The following ARHGAP44 variants were observed in gnomAD, a reference collection of about 807,000 sequenced individuals.
ARHGAP44 encodes the protein rho GTPase-activating protein 44.
ARHGAP44 carries 43 observed loss-of-function variants against 106.8 expected under a neutral mutation model. The observed-to-expected ratio is 0.40, with a 90% CI of 0.32 to 0.52. ARHGAP44 has a LOEUF of 0.52. Ranked by LOEUF, ARHGAP44 falls within the 20% of genes least tolerant of loss-of-function variation. The probability of loss-of-function intolerance (pLI) is 0.48; values close to 1 mark genes in which losing one functional copy is unlikely to be tolerated. For missense variants in ARHGAP44, 866 were observed against 1,050.5 expected, an observed-to-expected ratio of 0.82 and a Z score of 2.43; for synonymous variants, 439 against 410.3, an observed-to-expected ratio of 1.07 and a Z score of -0.85.
Position 12,857,263 on chromosome 17 carries a change from A to G in ARHGAP44, c.54-37677A>G, listed in dbSNP as rs148421435. The stretch of plus-strand genomic sequence containing the variant: ...TCATTTTCTGTTGCTTTAACTGAAC[A>G]CCACAGACTGGGTATTTTATAAAGA... On this transcript the variant is annotated intron_variant, in intron 1 of 20. Transcript: ENST00000379672. Among the ~76,000 whole-genome samples the G allele has an allele frequency of 4.8e-3, 728 of 152,330 alleles. 9 individuals carry two copies. Among genetic ancestry groups the G allele is most frequent in the African/African-American group, 0.017 (705 of 41,560 alleles).
intron 19 of ARHGAP44, among the ~76,000 whole-genome samples, chr17:12,980,594 C>T (rs915054579): frequency 2.0e-5 from 3 of 152,130 alleles, no homozygotes; most frequent in African/African-American, 4.8e-5. Flanking sequence ...TCTCCTTCCC[C>T]GCAGGGCAGC....
chr17:12,876,617 T>A (rs1428811733), intron 1 of ARHGAP44, among the ~76,000 whole-genome samples: 1 of 151,796 alleles, frequency 6.6e-6, no homozygotes, highest in East Asian at 1.9e-4. Context: ...GGAGATGGGT[T>A]AGAAGGATAT....
At chr17:12,987,172 G>A (rs1055854592) in intron 20 of ARHGAP44, 26 of 1,529,274 alleles carry the variant, frequency 1.7e-5, no homozygotes, top group African/African-American at 1.4e-4. Context: ...CCCCGGCCTC[G>A]CCCCTCCACC....
At chr17:12,861,653 T>TTTTTTTTTTTTTTTTAA (rs755400921) in intron 1 of ARHGAP44, among the ~76,000 whole-genome samples, 2 of 59,146 alleles carry the variant, frequency 3.4e-5, no homozygotes, top group Non-Finnish European at 3.7e-5. Context: ...ACTTTTTTTT[T>TTTTTTTTTTTTTTTTAA]TTTTTGAGAT....
rs2039613997 is a variant in ARHGAP44, at chr17:12,974,301, A to G, written c.1754A>G (p.Glu585Gly). The G allele has an allele frequency of 7.0e-7, 1 of 1,432,962 alleles. No individual in the cohort carries two copies. The highest frequency in any genetic ancestry group is 1.5e-5 in the South Asian group (1 of 66,122). The allele number at this position is 1,432,962 out of a possible 1,614,324, so 88.8% of individuals were successfully genotyped here. ...PSGLGLQPGP[E>G]RTSTTKSKEL... The stretch of plus-strand genomic sequence containing the variant: ...GGCCTGGGCCTCCAGCCTGGGCCCG[A>G]GCGCACCAGGTAAGCGCGGGCCACT... The change falls in exon 18 of 21, where the codon GAG (glutamate) becomes GGG (glycine). Residue 585 changes from glutamate (E) to glycine (G), a missense_variant. Around this residue, in one of 2 missense-constraint regions of ARHGAP44, gnomAD observed 418 missense variants for 403.6 expected, o/e 1.04. Transcript: ENST00000379672.
chr17:12,910,445 C>CATT (rs1277946315), intron 4 of ARHGAP44, among the ~76,000 whole-genome samples: 1 of 30,052 alleles, frequency 3.3e-5, no homozygotes, highest in Admixed American at 6.5e-4. Context: ...GCTTATGTAG[C>CATT]CTTTTTTTTT....
At chr17:12,920,375 CA>C (rs11408733) in intron 6 of ARHGAP44, among the ~76,000 whole-genome samples, 114 of 89,198 alleles carry the variant, frequency 1.3e-3, no homozygotes, top group South Asian at 8.9e-4. Flanking sequence ...GACTCCATCT[CA>C]AAAAAAAAAA....
chr17:12,908,941 G>T lies in ARHGAP44; in HGVS notation c.243G>T (p.Gly81=), dbSNP rs147948197. 863 of 1,600,392 alleles carry T rather than the reference G, an allele frequency of 5.4e-4. 10 individuals are homozygous for T. The East Asian group carries it at 0.018, about 33-fold the overall frequency. ...CACTGGCTCAGTGTCTGATGGAGGG[G>T]TCAGCTATCCTGGGAGATGACACAC... is the stretch of plus-strand genomic sequence containing the variant. ...LTTLAQCLME[G]SAILGDDTLL... The change falls in exon 4 of 21, where the codon GGG becomes GGT. Residue 81 remains glycine, a synonymous_variant. Transcript: ENST00000379672.
chr17:12,877,610 C>T (rs1040978029), intron 1 of ARHGAP44, among the ~76,000 whole-genome samples: 1 of 151,942 alleles, frequency 6.6e-6, no homozygotes, highest in South Asian at 2.1e-4. Flanking sequence ...ATTAGCCGGG[C>T]GAGGTGGCGG....
intron 6 of ARHGAP44, among the ~76,000 whole-genome samples, chr17:12,925,641 A>G (rs529593656): frequency 6.6e-6 from 1 of 152,076 alleles, no homozygotes; most frequent in East Asian, 1.9e-4. Context: ...TCCCATCTTC[A>G]TCTCCCCCAG....
chr17:12,855,754 A>T (rs2150857012), intron 1 of ARHGAP44, among the ~76,000 whole-genome samples: 1 of 152,338 alleles, frequency 6.6e-6, no homozygotes, highest in African/African-American at 2.4e-5. Flanking sequence ...TGAGCGATTA[A>T]TGTTGAAGAT....
intron 8 of ARHGAP44, among the ~76,000 whole-genome samples, chr17:12,943,300 G>A (rs559707926): frequency 6.6e-5 from 10 of 152,288 alleles, no homozygotes; most frequent in African/African-American, 1.2e-4. Flanking sequence ...GTTGCCAGAG[G>A]AAGAAGGGTG....
At chr17:12,975,796 A>AG (rs2039665442) in intron 18 of ARHGAP44, among the ~76,000 whole-genome samples, 1 of 19,726 alleles carries the variant, frequency 5.1e-5, no homozygotes, top group Non-Finnish European at 1.3e-4. Context: ...ACTCCGTCTC[A>AG]AAAAAAAAAA....
At chr17:12,804,693 G>A (rs1263143350) in intron 1 of ARHGAP44, among the ~76,000 whole-genome samples, 1 of 152,170 alleles carries the variant, frequency 6.6e-6, no homozygotes, top group Non-Finnish European at 1.5e-5. Flanking sequence ...CTTTGATTAA[G>A]CTATTGCCTC....
intron 16 of ARHGAP44, among the ~76,000 whole-genome samples, chr17:12,971,049 CAT>C (rs2039516468): frequency 6.6e-6 from 1 of 152,192 alleles, no homozygotes; most frequent in Admixed American, 6.5e-5. Flanking sequence ...CACAGTGGAA[CAT>C]GTGATGCTCC....
chr17:12,827,510 C>T (rs570357654), intron 1 of ARHGAP44, among the ~76,000 whole-genome samples: 1 of 152,028 alleles, frequency 6.6e-6, no homozygotes, highest in African/African-American at 2.4e-5. Context: ...TATTTATTTC[C>T]AGTAATGCCC....
chr17:12,920,604 G>T (rs1014589325), intron 6 of ARHGAP44, among the ~76,000 whole-genome samples: 4 of 152,112 alleles, frequency 2.6e-5, no homozygotes, highest in Non-Finnish European at 5.9e-5. Flanking sequence ...AGGAAGGTCG[G>T]CATGGCTGGG....
At chr17:12,956,538 G>C (rs974325938) in intron 14 of ARHGAP44, 117 bp from the exon 15 acceptor site, 13 of 773,592 alleles carry the variant, frequency 1.7e-5, no homozygotes, top group Middle Eastern at 4.6e-4. Flanking sequence ...TCAAACCTCT[G>C]TCTGTGGGGT....
chr17:12,876,467 G>A (rs922175418), intron 1 of ARHGAP44, among the ~76,000 whole-genome samples: 4 of 152,034 alleles, frequency 2.6e-5, no homozygotes, highest in Admixed American at 6.6e-5. Flanking sequence ...CAAATCCTGC[G>A]TACACATTAA....
Sources: gnomAD v4.1 joint callset for allele counts (sites outside exome capture counted in the v4.1 genomes callset) on GRCh38, gnomAD v4.1.1 for gene constraint, gnomAD v4.1.1 regional missense constraint, MANE v1.5 for transcripts, NCBI Gene and HGNC (gene_info 2026-07-23, HGNC 2026-07-21) for gene names.